Variants in STXBP5L observed in about 807,000 individuals in gnomAD.
The protein encoded by STXBP5L is syntaxin-binding protein 5-like.
STXBP5L carries 65 observed loss-of-function variants against 144.5 expected under a neutral mutation model. The ratio of observed to expected loss-of-function variants is 0.45; its 90% CI spans 0.37 to 0.55. The LOEUF (loss-of-function observed/expected upper bound fraction) is 0.55, where lower values mean the gene tolerates loss of function less well. STXBP5L is among the 20% of genes least tolerant of loss of function. STXBP5L has a pLI of 0.00. For synonymous variants in STXBP5L, 505 were observed against 469.6 expected, an observed-to-expected ratio of 1.08 and a Z score of -0.97; for missense variants, 1,298 against 1,405.5, an observed-to-expected ratio of 0.92 and a Z score of 1.22.
At chr3:121,128,144 G>A (rs915724887) in intron 7 of STXBP5L, among the ~76,000 whole-genome samples, 2 of 152,086 alleles carry the variant, frequency 1.3e-5, no homozygotes, top group Non-Finnish European at 2.9e-5. Flanking sequence ...TGGTTTTTAA[G>A]GACTTGAACT....
At chr3:121,364,786 A>T (rs1031509882) in intron 20 of STXBP5L, among the ~76,000 whole-genome samples, 2 of 151,884 alleles carry the variant, frequency 1.3e-5, no homozygotes, top group African/African-American at 4.8e-5. Flanking sequence ...TTATGTGTTG[A>T]CTTTATATTC....
At chr3:121,032,416 C>T (rs886403085) in intron 3 of STXBP5L, among the ~76,000 whole-genome samples, 1 of 152,038 alleles carries the variant, frequency 6.6e-6, no homozygotes, top group Non-Finnish European at 1.5e-5. Flanking sequence ...AGTTGTTATT[C>T]GTGACCTTAT....
chr3:121,325,062 G>C (rs752658732), intron 20 of STXBP5L, among the ~76,000 whole-genome samples: 1 of 151,938 alleles, frequency 6.6e-6, no homozygotes, highest in Non-Finnish European at 1.5e-5. Context: ...TAAATGGAAA[G>C]GAAGGTCCTA....
chr3:121,079,078 A>G (rs929244927), intron 5 of STXBP5L, among the ~76,000 whole-genome samples: 1 of 152,248 alleles, frequency 6.6e-6, no homozygotes, highest in Non-Finnish European at 1.5e-5. Flanking sequence ...GCCCAGAGCG[A>G]GTGAGGGCTG....
chr3:121,239,194 C>A (rs1044715525), intron 13 of STXBP5L, 76 bp downstream of exon 13: 11 of 849,152 alleles, frequency 1.3e-5, no homozygotes, highest in Non-Finnish European at 1.9e-5. Flanking sequence ...ACTTTATTTT[C>A]TTACATTCCA....
chr3:121,339,831 A>G (rs1486921733), intron 20 of STXBP5L, among the ~76,000 whole-genome samples: 1 of 150,092 alleles, frequency 6.7e-6, no homozygotes, highest in Non-Finnish European at 1.5e-5. Flanking sequence ...AAAAAAAACT[A>G]GGAATACATT....
At chr3:121,304,420 C>A (rs183616624) in intron 19 of STXBP5L, among the ~76,000 whole-genome samples, 16 of 152,166 alleles carry the variant, frequency 1.1e-4, no homozygotes, top group African/African-American at 3.9e-4. Context: ...ATTGAAAATA[C>A]AAATTATTTT....
chr3:121,350,693 A>T (rs1459410064), intron 20 of STXBP5L, among the ~76,000 whole-genome samples: 2 of 151,742 alleles, frequency 1.3e-5, no homozygotes, highest in Non-Finnish European at 2.9e-5. Context: ...TTCTCTTCTC[A>T]CTTCATTTCA....
At chr3:121,245,587 G>C (rs1305005598) in intron 14 of STXBP5L, among the ~76,000 whole-genome samples, 1 of 152,030 alleles carries the variant, frequency 6.6e-6, no homozygotes, top group African/African-American at 2.4e-5. Context: ...CACATAGGTT[G>C]AAAGTGAAAG....
At chr3:121,096,146 C>T (rs541577739) in intron 5 of STXBP5L, among the ~76,000 whole-genome samples, 20 of 152,202 alleles carry the variant, frequency 1.3e-4, no homozygotes, top group African/African-American at 3.1e-4. Context: ...GAGATGAACC[C>T]GGTACCTCAG....
intron 9 of STXBP5L, among the ~76,000 whole-genome samples, chr3:121,178,632 T>A (rs1297332897): frequency 6.6e-6 from 1 of 152,168 alleles, no homozygotes; most frequent in Non-Finnish European, 1.5e-5. Context: ...TGCCTCTGAA[T>A]GCACATCTCC....
intron 5 of STXBP5L, among the ~76,000 whole-genome samples, chr3:121,076,580 T>C (rs2042027611): frequency 6.6e-6 from 1 of 152,048 alleles, no homozygotes; most frequent in Non-Finnish European, 1.5e-5. Flanking sequence ...TGGAAACTGA[T>C]CCAGGTGCCC....
At chr3:121,213,027 A>G (rs2048638197) in intron 10 of STXBP5L, among the ~76,000 whole-genome samples, 1 of 152,164 alleles carries the variant, frequency 6.6e-6, no homozygotes, top group African/African-American at 2.4e-5. Flanking sequence ...TTATTGGTGT[A>G]TAGGAATTCT....
chr3:121,134,089 TAAAGA>T (rs1176701916), intron 7 of STXBP5L, among the ~76,000 whole-genome samples: 1 of 152,142 alleles, frequency 6.6e-6, no homozygotes, highest in Non-Finnish European at 1.5e-5. Context: ...GAGAAATTCA[TAAAGA>T]AAAGGAATTT....
chr3:120,963,178 G>A (rs1043830000), intron 3 of STXBP5L, among the ~76,000 whole-genome samples: 2 of 152,218 alleles, frequency 1.3e-5, no homozygotes, highest in Non-Finnish European at 2.9e-5. Flanking sequence ...ATTTTGGGCT[G>A]AGGCAATGGG....
intron 20 of STXBP5L, among the ~76,000 whole-genome samples, chr3:121,374,611 C>A (rs2046129619): frequency 6.6e-6 from 1 of 151,922 alleles, no homozygotes; most frequent in Non-Finnish European, 1.5e-5. Flanking sequence ...AGATAGATAT[C>A]ATAAAAAAGA....
At chr3:121,281,882 CA>C (rs1337192734) in intron 19 of STXBP5L, among the ~76,000 whole-genome samples, 2 of 151,604 alleles carry the variant, frequency 1.3e-5, no homozygotes, top group African/African-American at 2.4e-5. Flanking sequence ...TAAAGACAAT[CA>C]TTTTTTATTA....
rs185723132 is a variant in STXBP5L, at chr3:121,120,213, C to T, written c.606-1428C>T. 5.6e-4 allele frequency among the ~76,000 whole-genome samples: 84 copies of T among 151,186 alleles called. No individual in the cohort carries two copies. In the East Asian group the frequency reaches 7.9e-3, roughly 14 times the overall value. On this transcript the variant is annotated intron_variant, in intron 6 of 26. Transcript: ENST00000471454. ...GTGTTAGTGCAATCAAACCAAGAGA[C>T]GGAGAGGCTATGGTTTGTTGGCAAT...
intron 9 of STXBP5L, among the ~76,000 whole-genome samples, chr3:121,176,950 T>C (rs1394044450): frequency 6.6e-6 from 1 of 152,030 alleles, no homozygotes; most frequent in Non-Finnish European, 1.5e-5. Context: ...TAGCTTTTTG[T>C]AAATAAAAAC....
Sources: gnomAD v4.1 joint callset for allele counts (sites outside exome capture counted in the v4.1 genomes callset) on GRCh38, gnomAD v4.1.1 for gene constraint, MANE v1.5 for transcripts, NCBI Gene and HGNC (gene_info 2026-07-23, HGNC 2026-07-21) for gene names.